The following RIC1 variants were observed in gnomAD, a reference collection of about 807,000 sequenced individuals.
RIC1 encodes guanine nucleotide exchange factor subunit RIC1.
Under a neutral mutation model 169.0 loss-of-function variants are expected in RIC1, and 88 were observed. The observed-to-expected ratio is 0.52, with a 90% CI of 0.44 to 0.62. The LOEUF is 0.62. RIC1 is among the 20% of genes least tolerant of loss of function. The probability of loss-of-function intolerance (pLI) is 0.00; values close to 1 mark genes in which losing one functional copy is unlikely to be tolerated. For missense variants in RIC1, 1,877 were observed against 1,725.5 expected, an observed-to-expected ratio of 1.09 and a Z score of -1.56; for synonymous variants, 790 against 601.5, an observed-to-expected ratio of 1.31 and a Z score of -4.59.
intron 3 of RIC1, among the ~76,000 whole-genome samples, chr9:5,695,612 G>A (rs967500633): frequency 2.0e-4 from 27 of 137,602 alleles, no homozygotes; most frequent in African/African-American, 4.4e-4. Context: ...TCGCTCTGTC[G>A]CCTGTGCTGG....
chr9:5,720,837 C>T, intron 6 of RIC1, 87 bp downstream of exon 6: 2 of 1,196,424 alleles, frequency 1.7e-6, no homozygotes, highest in Non-Finnish European at 2.3e-6. Flanking sequence ...TTTCATCATT[C>T]ATGTAAGATT....
intron 12 of RIC1, among the ~76,000 whole-genome samples, chr9:5,752,180 G>C (rs1825761453): frequency 6.6e-6 from 1 of 152,146 alleles, no homozygotes; most frequent in South Asian, 2.1e-4. Flanking sequence ...AAGACACCAT[G>C]TTCAAAGATG....
chr9:5,638,647 A>G (rs564188763), intron 1 of RIC1, among the ~76,000 whole-genome samples: 1 of 152,184 alleles, frequency 6.6e-6, no homozygotes, highest in South Asian at 2.1e-4. Context: ...GTAGTTTGTG[A>G]TGATCGTTTG....
At chr9:5,689,756 A>T (rs1386653062) in intron 2 of RIC1, among the ~76,000 whole-genome samples, 1 of 152,204 alleles carries the variant, frequency 6.6e-6, no homozygotes, top group African/African-American at 2.4e-5. Context: ...TCACTGAAAG[A>T]TTTTGAAATC....
At chr9:5,734,019 CAT>C (rs908941032) in intron 7 of RIC1, among the ~76,000 whole-genome samples, 46 of 143,866 alleles carry the variant, frequency 3.2e-4, no homozygotes, top group African/African-American at 1.1e-3. Context: ...TAAAAATATA[CAT>C]ATATATAATG....
chr9:5,737,413 T>G (rs1563938434), intron 7 of RIC1, among the ~76,000 whole-genome samples: 1 of 152,206 alleles, frequency 6.6e-6, no homozygotes, highest in Non-Finnish European at 1.5e-5. Context: ...CCAGTGCTGA[T>G]GAAGCCTCCT....
chr9:5,655,922 A>C (rs554697158), intron 1 of RIC1, among the ~76,000 whole-genome samples: 1 of 151,966 alleles, frequency 6.6e-6, no homozygotes, highest in African/African-American at 2.4e-5. Flanking sequence ...GCTGGAGTGC[A>C]GTGTTGTTGT....
chr9:5,642,395 G>A (rs1359578520), intron 1 of RIC1, among the ~76,000 whole-genome samples: 1 of 144,562 alleles, frequency 6.9e-6, no homozygotes, highest in Non-Finnish European at 1.5e-5. Context: ...CCACCACCTG[G>A]CTACCACCTA....
At chr9:5,753,982 A>G (rs1168081248) in intron 14 of RIC1, among the ~76,000 whole-genome samples, 3 of 152,168 alleles carry the variant, frequency 2.0e-5, no homozygotes, top group Non-Finnish European at 4.4e-5. Flanking sequence ...AGATCATTCC[A>G]TGCCTATTCT....
intron 7 of RIC1, among the ~76,000 whole-genome samples, chr9:5,734,145 C>T (rs992597073): frequency 2.0e-5 from 3 of 150,344 alleles, no homozygotes; most frequent in Admixed American, 6.6e-5. Flanking sequence ...CTCGCTCTGT[C>T]GCCCTGGCTA....
At chr9:5,642,712 G>T (rs528840067) in intron 1 of RIC1, among the ~76,000 whole-genome samples, 2 of 122,434 alleles carry the variant, frequency 1.6e-5, no homozygotes, top group East Asian at 3.9e-4. Flanking sequence ...GGCCACTGCC[G>T]GGCAGTCATC....
chr9:5,722,868 G>GAACTCAT (rs1823697103), intron 6 of RIC1, among the ~76,000 whole-genome samples: 1 of 152,126 alleles, frequency 6.6e-6, no homozygotes, highest in Non-Finnish European at 1.5e-5. Flanking sequence ...TCACCCATGT[G>GAACTCAT]CCTACAAAGG....
rs914643773 is a variant in RIC1, at chr9:5,776,420, A to T, written c.*2174A>T. The T allele has an allele frequency of 6.6e-6, 1 of 152,114 alleles. No homozygotes were observed. Among genetic ancestry groups the T allele is most frequent in the African/African-American group, 2.4e-5 (1 of 41,446 alleles). 9.4% of individuals were successfully genotyped at this position (152,114 alleles called of 1,614,324 possible). On this transcript the variant is annotated 3_prime_UTR_variant, in exon 26 of 26. Transcript: ENST00000414202. Reference sequence around the variant, plus strand: ...AGGTTTACTAGATGCATTTATTAATAAATTATTTGCTGAAACCAAAACAAG... The same window carrying T: ...AGGTTTACTAGATGCATTTATTAATTAATTATTTGCTGAAACCAAAACAAG...
At chr9:5,746,780 G>A (rs548478916) in intron 11 of RIC1, among the ~76,000 whole-genome samples, 50 of 152,040 alleles carry the variant, frequency 3.3e-4, no homozygotes, top group Middle Eastern at 3.4e-3. Context: ...TACCATCAAT[G>A]GCTTTTTAAT....
intron 21 of RIC1, 132 bp from the exon 22 acceptor site, chr9:5,768,838 C>T: frequency 1.0e-6 from 1 of 988,774 alleles, no homozygotes; most frequent in South Asian, 1.7e-5. Flanking sequence ...GATACTTTAT[C>T]TTCATTGTCA....
chr9:5,654,336 TC>T (rs1818964429), intron 1 of RIC1, among the ~76,000 whole-genome samples: 1 of 152,052 alleles, frequency 6.6e-6, no homozygotes, highest in South Asian at 2.1e-4. Context: ...AGCCTCTGCC[TC>T]CCGGGTTCAA....
chr9:5,725,956 C>T (rs1393939906), intron 6 of RIC1, among the ~76,000 whole-genome samples: 1 of 151,954 alleles, frequency 6.6e-6, no homozygotes, highest in Non-Finnish European at 1.5e-5. Context: ...TTTACATTTG[C>T]TGAGGGGTAC....
At position 5,772,658 on chromosome 9, in the gene RIC1, A is replaced by G. The variant is rs765944789; in HGVS notation, c.3711A>G (p.Thr1237=). The change falls in exon 24 of 26, where the codon ACA becomes ACG. Residue 1237 remains threonine (T), a synonymous_variant. Transcript: ENST00000414202. ...DWTMVDENFS[T]LSLTQSELEH... ...CAATGGTGGATGAAAATTTCTCTAC[A>G]CTCAGTTTAACTCAGTCAGAGCTGG... The G allele has an allele frequency of 2.5e-6, 4 of 1,613,848 alleles. No homozygotes were observed. The highest frequency in any genetic ancestry group is 3.4e-6 in the Non-Finnish European group (4 of 1,179,884).
intron 2 of RIC1, among the ~76,000 whole-genome samples, chr9:5,662,924 AG>A (rs1200161914): frequency 6.6e-6 from 1 of 152,048 alleles, no homozygotes; most frequent in Non-Finnish European, 1.5e-5. Flanking sequence ...TTGTGGTGTT[AG>A]GTTGTTAACT....
Sources: allele counts gnomAD v4.1 joint callset (sites outside exome capture counted in the v4.1 genomes callset), GRCh38; gene constraint gnomAD v4.1.1; transcripts MANE v1.5; gene names NCBI Gene and HGNC (gene_info 2026-07-23, HGNC 2026-07-21).